Variants in PRSS23 observed in about 807,000 individuals in gnomAD.
The protein encoded by PRSS23 is serine protease 23.
In PRSS23, 25 loss-of-function variants were observed where a neutral mutation model predicts 34.7. That is an observed-to-expected ratio of 0.72 (90% CI 0.53 to 1.01). The LOEUF (loss-of-function observed/expected upper bound fraction) is 1.01. PRSS23 is among the 50% of genes least tolerant of loss of function. The probability of loss-of-function intolerance (pLI) is 0.00; values close to 1 mark genes in which losing one functional copy is unlikely to be tolerated. For synonymous variants in PRSS23, 176 were observed against 186.6 expected (o/e 0.94, Z 0.46); for missense variants, 445 against 475.6 (o/e 0.94, Z 0.60).
intron 2 of PRSS23, among the ~76,000 whole-genome samples, chr11:86,887,833 C>G (rs960069547): frequency 6.6e-6 from 1 of 152,110 alleles, no homozygotes. Context: ...GGGCAGATCA[C>G]CTGAGGTCAG....
intron 1 of PRSS23, among the ~76,000 whole-genome samples, chr11:86,820,977 A>ACAG (rs1948247617): frequency 6.6e-6 from 1 of 152,242 alleles, no homozygotes. Flanking sequence ...CTTATGAATA[A>ACAG]CTTAAAAAGT....
intron 1 of PRSS23, among the ~76,000 whole-genome samples, chr11:86,802,445 A>G (rs1298839780): frequency 6.6e-6 from 1 of 152,186 alleles, no homozygotes; most frequent in Non-Finnish European, 1.5e-5. Context: ...GAAAACGAGA[A>G]CAAGCCCGAC....
intron 2 of PRSS23, among the ~76,000 whole-genome samples, chr11:86,890,331 T>G (rs1486612082): frequency 6.6e-6 from 1 of 152,140 alleles, no homozygotes; most frequent in Non-Finnish European, 1.5e-5. Context: ...AGCATTGCCC[T>G]GGAATCTCAT....
At chr11:86,888,095 T>C (rs1387224912) in intron 2 of PRSS23, among the ~76,000 whole-genome samples, 1 of 144,702 alleles carries the variant, frequency 6.9e-6, no homozygotes, top group Non-Finnish European at 1.5e-5. Flanking sequence ...ACAATGTTAC[T>C]GAGCATCAAG....
intron 1 of PRSS23, among the ~76,000 whole-genome samples, chr11:86,818,016 G>C (rs979593725): frequency 6.6e-6 from 1 of 152,144 alleles, no homozygotes; most frequent in African/African-American, 2.4e-5. Flanking sequence ...CTCCAGATTG[G>C]GAGTCAGGAG....
intron 2 of PRSS23, among the ~76,000 whole-genome samples, chr11:86,830,144 C>T (rs546399939): frequency 1.3e-5 from 2 of 152,308 alleles, no homozygotes; most frequent in South Asian, 4.1e-4. Flanking sequence ...TGGGCTCCAC[C>T]CAGCTCGAGC....
rs892226601 is a variant in PRSS23, at chr11:86,810,512, G to C, written c.*1717G>C. On this transcript the variant is annotated 3_prime_UTR_variant, in exon 2 of 2. Transcript: ENST00000280258. ...CTGAGTTCCAGCACAATTTTCTTTGGAATCTAACAGGAATCTAGCCTGAGG... is the reference window on the plus strand; with the variant it reads ...CTGAGTTCCAGCACAATTTTCTTTGCAATCTAACAGGAATCTAGCCTGAGG... 5 of 167,044 alleles carry C rather than the reference G, an allele frequency of 3.0e-5. No homozygotes were observed. The highest frequency in any genetic ancestry group is 7.3e-5 in the Non-Finnish European group (5 of 68,114). 10.3% of individuals were successfully genotyped at this position (167,044 alleles called of 1,614,324 possible). A position where few individuals can be genotyped will look rare whatever the true frequency, so the allele number is the denominator to read the frequency against.
chr11:86,908,251 T>G (rs1280921932), intron 2 of PRSS23, among the ~76,000 whole-genome samples: 1 of 147,420 alleles, frequency 6.8e-6, no homozygotes, highest in Non-Finnish European at 1.5e-5. Flanking sequence ...ATGGTAATTC[T>G]ATTTTTAATT....
At chr11:86,805,437 T>C (rs545163568) in intron 1 of PRSS23, among the ~76,000 whole-genome samples, 7 of 152,284 alleles carry the variant, frequency 4.6e-5, no homozygotes, top group South Asian at 2.1e-4. Flanking sequence ...AACAAGCACA[T>C]ACAAACACGT....
At chr11:86,807,559 T>C in intron 1 of PRSS23, 72 bp from the exon 2 acceptor site, 1 of 1,332,782 alleles carries the variant, frequency 7.5e-7, no homozygotes, top group South Asian at 1.4e-5. Flanking sequence ...GGCCTGCTGC[T>C]GAGCTTTGCT....
At chr11:86,931,590 T>C (rs1446707027) in intron 2 of PRSS23, among the ~76,000 whole-genome samples, 1 of 152,158 alleles carries the variant, frequency 6.6e-6, no homozygotes, top group Admixed American at 6.5e-5. Flanking sequence ...AGACATTGAC[T>C]GGAAAGAAAA....
chr11:86,830,686 A>G (rs1948347563), intron 2 of PRSS23, among the ~76,000 whole-genome samples: 1 of 152,156 alleles, frequency 6.6e-6, no homozygotes, highest in Admixed American at 6.5e-5. Context: ...CACAGGGGCT[A>G]TACACCCCGT....
At chr11:86,889,677 G>C (rs148704591) in intron 2 of PRSS23, among the ~76,000 whole-genome samples, 2 of 152,292 alleles carry the variant, frequency 1.3e-5, no homozygotes, top group East Asian at 3.9e-4. Context: ...CATGAATTCT[G>C]GAGGGACATA....
At position 86,883,922 on chromosome 11, in the gene PRSS23, G is replaced by T. The variant is rs115763910; in HGVS notation, c.206+60329G>T. ...CTTCCTAAGCACCTCAAATTTAGCA[G>T]CCCAAAATCGAACTAACTTTTTTAT... is the stretch of plus-strand genomic sequence containing the variant. On this transcript the variant is annotated intron_variant, in intron 2 of 2. Transcript: ENST00000533902. 8.4e-3 allele frequency among the ~76,000 whole-genome samples: 1,271 copies of T among 151,268 alleles called. 18 individuals are homozygous for T. Among genetic ancestry groups the T allele is most frequent in the African/African-American group, 0.03 (1,230 of 41,178 alleles).
Position 86,873,235 on chromosome 11 carries a change from T to TACAC in PRSS23, c.206+49652_206+49655dup, listed in dbSNP as rs61195398. 9.1e-3 allele frequency among the ~76,000 whole-genome samples: 1,235 copies of TACAC among 135,394 alleles called. 61 individuals are homozygous for TACAC. Among genetic ancestry groups the TACAC allele is most frequent in the Admixed American group, 0.081 (1,058 of 13,098 alleles). The allele number at this position is 135,394 out of a possible 152,430, so 88.8% of individuals were successfully genotyped here. On this transcript the variant is annotated intron_variant, in intron 2 of 2. Transcript: ENST00000533902. ...ACACACAGATATATGTATATATATATACACACACACACATATATATGTATA... is the reference window on the plus strand; with the variant it reads ...ACACACAGATATATGTATATATATATACACACACACACACACATATATATGTATA...
upstream of PRSS23, among the ~76,000 whole-genome samples, chr11:86,795,720 C>CT (rs1485309952): frequency 2.6e-5 from 4 of 152,218 alleles, no homozygotes; most frequent in Admixed American, 2.6e-4. Flanking sequence ...TTCCAATTCT[C>CT]TTTTCACTCA....
intron 2 of PRSS23, chr11:86,947,235 A>C (rs1339100370): frequency 5.8e-6 from 1 of 171,020 alleles, no homozygotes; most frequent in African/African-American, 2.4e-5. Context: ...ACAAACAAAC[A>C]ACAAAAAAAA....
rs1267840298 is a variant in PRSS23 at position 86,808,360 on chromosome 11, T to C, written c.717T>C (p.Asn239=). ...AGGGTTGGATCAAGGGCAATGCCAA[T>C]GACATCGGCATGGATTATGATTATG... is the stretch of plus-strand genomic sequence containing the variant. The part of the protein sequence containing the change: ...VPKGWIKGNA[N]DIGMDYDYAL... The change falls in exon 2 of 2, where the codon AAT becomes AAC. Residue 239 remains asparagine, a synonymous_variant. Coordinates refer to ENST00000280258, the MANE Select transcript of PRSS23 (RefSeq NM_007173.6). 1.2e-6 allele frequency: 2 copies of C among 1,614,138 alleles called. No individual in the cohort carries two copies. The highest frequency in any genetic ancestry group is 2.2e-5 in the South Asian group (2 of 91,064).
intron 2 of PRSS23, among the ~76,000 whole-genome samples, chr11:86,879,750 C>A (rs1335313783): frequency 2.1e-4 from 25 of 120,990 alleles, no homozygotes; most frequent in South Asian, 2.7e-4. Flanking sequence ...GCCCGGCCAG[C>A]CGCCCCGTCC....
Sources: gnomAD v4.1 joint callset for allele counts (sites outside exome capture counted in the v4.1 genomes callset) on GRCh38, gnomAD v4.1.1 for gene constraint, MANE v1.5 for transcripts, NCBI Gene and HGNC (gene_info 2026-07-23, HGNC 2026-07-21) for gene names.